The following WWOX variants were observed in gnomAD, a reference collection of about 807,000 sequenced individuals.
WWOX encodes the protein WW domain containing oxidoreductase.
In WWOX, 69 loss-of-function variants were observed where a neutral mutation model predicts 46.2. The ratio of observed to expected loss-of-function variants is 1.49; its 90% CI spans 1.23 to 1.82. The LOEUF is 1.82. Ranked by LOEUF, WWOX falls within the 40% of genes most tolerant of loss-of-function variation. The pLI, the probability that WWOX is intolerant of heterozygous loss-of-function variation, is 0.00. For synonymous variants in WWOX, 359 were observed against 202.6 expected, an observed-to-expected ratio of 1.77 and a Z score of -6.56; for missense variants, 919 against 542.6, an observed-to-expected ratio of 1.69 and a Z score of -6.89.
intron 8 of WWOX, among the ~76,000 whole-genome samples, chr16:78,512,421 T>A (rs547153872): frequency 1.3e-5 from 2 of 152,326 alleles, no homozygotes; most frequent in South Asian, 4.1e-4. Flanking sequence ...TTTGAGTGTT[T>A]CTGATTTTAA....
intron 8 of WWOX, among the ~76,000 whole-genome samples, chr16:78,449,020 T>A (rs1241228461): frequency 1.3e-5 from 2 of 152,144 alleles, no homozygotes; most frequent in Admixed American, 1.3e-4. Context: ...TAAGCAGTGT[T>A]ATTACAGGGT....
At chr16:78,118,045 CTTT>C (rs34141728) in intron 4 of WWOX, among the ~76,000 whole-genome samples, 8 of 138,420 alleles carry the variant, frequency 5.8e-5, no homozygotes, top group African/African-American at 1.6e-4. Flanking sequence ...TTCTTTCTTT[CTTT>C]TTTTTTTTTA....
At chr16:78,216,275 A>C (rs1202339784) in intron 5 of WWOX, among the ~76,000 whole-genome samples, 2 of 152,202 alleles carry the variant, frequency 1.3e-5, no homozygotes, top group African/African-American at 4.8e-5. Context: ...TGGCTTAATT[A>C]TTTTAAAGTA....
intron 8 of WWOX, among the ~76,000 whole-genome samples, chr16:78,702,846 C>G (rs1417121940): frequency 6.6e-6 from 1 of 152,032 alleles, no homozygotes; most frequent in East Asian, 1.9e-4. Flanking sequence ...GAACAACTGT[C>G]CTTTTCCACC....
At chr16:78,704,656 C>G (rs2048294163) in intron 8 of WWOX, among the ~76,000 whole-genome samples, 1 of 152,148 alleles carries the variant, frequency 6.6e-6, no homozygotes, top group South Asian at 2.1e-4. Flanking sequence ...GGAAGGGTAT[C>G]TTTACTGTGA....
intron 8 of WWOX, among the ~76,000 whole-genome samples, chr16:78,696,201 C>G (rs2048095839): frequency 6.6e-6 from 1 of 152,172 alleles, no homozygotes; most frequent in African/African-American, 2.4e-5. Context: ...CTTTTTAACT[C>G]TCTCTGCCTG....
intron 8 of WWOX, among the ~76,000 whole-genome samples, chr16:78,654,815 A>G (rs547100120): frequency 1.3e-5 from 2 of 152,054 alleles, no homozygotes; most frequent in Admixed American, 1.3e-4. Context: ...AATTTTGGAA[A>G]TAGACCAGTG....
intron 1 of WWOX, among the ~76,000 whole-genome samples, chr16:78,103,644 C>T (rs1488381931): frequency 6.6e-6 from 1 of 152,168 alleles, no homozygotes; most frequent in African/African-American, 2.4e-5. Flanking sequence ...TTTGCGCTGG[C>T]TCCAACCCCT....
intron 6 of WWOX, among the ~76,000 whole-genome samples, chr16:78,388,244 T>G (rs1369385739): frequency 1.3e-5 from 2 of 152,172 alleles, no homozygotes; most frequent in African/African-American, 4.8e-5. Context: ...TTGGTCAGAC[T>G]GGTCTCAAAC....
chr16:78,944,223 C>A (rs1345210144), intron 8 of WWOX, among the ~76,000 whole-genome samples: 1 of 152,126 alleles, frequency 6.6e-6, no homozygotes, highest in Non-Finnish European at 1.5e-5. Flanking sequence ...TCTACCCTCC[C>A]TTTCCAGATA....
At chr16:78,143,288 GTTATAA>G (rs1349203915) in intron 4 of WWOX, among the ~76,000 whole-genome samples, 2 of 152,144 alleles carry the variant, frequency 1.3e-5, no homozygotes, top group African/African-American at 4.8e-5. Context: ...TGAACTTGCT[GTTATAA>G]TTATTCACAT....
At chr16:79,045,538 A>G (rs2048048151) in intron 8 of WWOX, among the ~76,000 whole-genome samples, 1 of 152,152 alleles carries the variant, frequency 6.6e-6, no homozygotes, top group Non-Finnish European at 1.5e-5. Flanking sequence ...CTCCATTCCT[A>G]GTCTCATTTT....
intron 8 of WWOX, among the ~76,000 whole-genome samples, chr16:78,582,665 T>C (rs955151000): frequency 6.6e-6 from 1 of 152,182 alleles, no homozygotes; most frequent in African/African-American, 2.4e-5. Context: ...CTCCGCTTAG[T>C]CATTCCTGGT....
At chr16:78,842,783 C>T (rs1019620047) in intron 8 of WWOX, among the ~76,000 whole-genome samples, 3 of 132,586 alleles carry the variant, frequency 2.3e-5, no homozygotes, top group Non-Finnish European at 3.5e-5. Context: ...GCCCAGGAGG[C>T]GGAGGTTGCA....
intron 5 of WWOX, among the ~76,000 whole-genome samples, chr16:78,358,087 C>A (rs566515144): frequency 2.4e-4 from 37 of 152,236 alleles, no homozygotes; most frequent in Non-Finnish European, 4.9e-4. Context: ...GGAACTAGTT[C>A]TTTGTTTTTG....
chr16:79,171,327 C>T (rs920169691), intron 8 of WWOX, among the ~76,000 whole-genome samples: 3 of 152,212 alleles, frequency 2.0e-5, no homozygotes, highest in African/African-American at 7.2e-5. Context: ...TACATACTCT[C>T]TTAATAGTGT....
chr16:78,620,701 TC>T (rs397812992), intron 8 of WWOX, among the ~76,000 whole-genome samples: 1 of 152,032 alleles, frequency 6.6e-6, no homozygotes, highest in African/African-American at 2.4e-5. Flanking sequence ...GGTTTTTTTT[TC>T]CTTTTTGCAC....
intron 3 of WWOX, among the ~76,000 whole-genome samples, chr16:78,113,195 C>A (rs959817388): frequency 2.0e-5 from 3 of 152,166 alleles, no homozygotes; most frequent in African/African-American, 7.2e-5. Flanking sequence ...CATTCCCAGG[C>A]CCCCACCCCA....
chr16:78,431,117 T>C (rs375421865), intron 7 of WWOX, among the ~76,000 whole-genome samples: 61 of 152,274 alleles, frequency 4.0e-4, no homozygotes, highest in African/African-American at 1.4e-3. Flanking sequence ...GTAAGGGAAG[T>C]CACTATAATG....
Sources: gnomAD v4.1 joint callset for allele counts (sites outside exome capture counted in the v4.1 genomes callset) on GRCh38, gnomAD v4.1.1 for gene constraint, MANE v1.5 for transcripts, NCBI Gene and HGNC (gene_info 2026-07-23, HGNC 2026-07-21) for gene names.